LUZP2: variants seen among roughly 807,000 people sequenced by gnomAD.
The protein encoded by LUZP2 is leucine zipper protein 2.
A neutral mutation model predicts 51.6 loss-of-function variants in LUZP2; 52 were observed. That is an observed-to-expected ratio of 1.01 (90% CI 0.81 to 1.27). LUZP2 has a LOEUF of 1.27. Among genes scored for constraint, LUZP2 ranks in the 50% most tolerant of loss-of-function variants. The probability of loss-of-function intolerance (pLI) is 0.00; values close to 1 mark genes in which losing one functional copy is unlikely to be tolerated. For missense variants in LUZP2, 436 were observed against 395.4 expected (o/e 1.10, Z -0.87); for synonymous variants, 154 against 137.3 (o/e 1.12, Z -0.85).
chr11:24,587,783 T>G (rs1396233594), intron 1 of LUZP2, among the ~76,000 whole-genome samples: 1 of 152,092 alleles, frequency 6.6e-6, no homozygotes, highest in Non-Finnish European at 1.5e-5. Flanking sequence ...AGACAGTTTT[T>G]TTTAAAAAAA....
intron 5 of LUZP2, among the ~76,000 whole-genome samples, chr11:24,804,806 G>A (rs1849804920): frequency 6.6e-6 from 1 of 152,016 alleles, no homozygotes. Flanking sequence ...TTTTGGTGTA[G>A]CATGTTCTGA....
At chr11:25,032,792 C>T (rs879599354) in intron 9 of LUZP2, among the ~76,000 whole-genome samples, 26 of 152,250 alleles carry the variant, frequency 1.7e-4, no homozygotes, top group Non-Finnish European at 3.2e-4. Flanking sequence ...TAGTTTGTTG[C>T]AAGGGGGCCT....
chr11:24,758,235 T>C (rs1859844332), intron 4 of LUZP2, among the ~76,000 whole-genome samples: 1 of 152,068 alleles, frequency 6.6e-6, no homozygotes, highest in South Asian at 2.1e-4. Flanking sequence ...GGAAAATGTG[T>C]TCTATGTTTT....
chr11:24,598,752 C>A (rs1853527164), intron 1 of LUZP2, among the ~76,000 whole-genome samples: 1 of 152,100 alleles, frequency 6.6e-6, no homozygotes, highest in Non-Finnish European at 1.5e-5. Context: ...TTGTGTCTAC[C>A]TAAAGCAAAT....
chr11:24,626,222 T>C (rs1157204238), intron 1 of LUZP2, among the ~76,000 whole-genome samples: 2 of 151,964 alleles, frequency 1.3e-5, no homozygotes, highest in East Asian at 3.9e-4. Flanking sequence ...GGAATGAAAA[T>C]GGTCCTGGGG....
At position 24,636,031 on chromosome 11, in the gene LUZP2, A is replaced by T. The variant is rs1318995086; in HGVS notation, c.63-93138A>T. ...GCAATCTACTCTGGAACTTCTGATT[A>T]TTGTCAGTCGAGAAAAAATAAATTG... On this transcript the variant is annotated intron_variant, in intron 1 of 11. Coordinates refer to ENST00000336930, the MANE Select transcript of LUZP2 (RefSeq NM_001009909.4). Among the ~76,000 whole-genome samples the T allele has an allele frequency of 3.3e-5, 5 of 152,190 alleles. No homozygotes were observed. The East Asian group carries it at 9.6e-4, about 29-fold the overall frequency.
Position 25,027,691 on chromosome 11 carries a change from G to A in LUZP2, c.766-22347G>A, listed in dbSNP as rs550134831. ...TCAAGATCAGCCTGGCCAAGATGGTGAAACCCCATCTCTACTAAAAATAAA... is the reference window on the plus strand; with the variant it reads ...TCAAGATCAGCCTGGCCAAGATGGTAAAACCCCATCTCTACTAAAAATAAA... On this transcript the variant is annotated intron_variant, in intron 9 of 11. Transcript: ENST00000336930. Among the ~76,000 whole-genome samples the A allele has an allele frequency of 1.0e-3, 155 of 152,048 alleles. 2 individuals are homozygous for A. The highest frequency in any genetic ancestry group is 1.8e-3 in the Non-Finnish European group (123 of 67,978).
chr11:24,580,511 G>A (rs10834396), intron 1 of LUZP2, among the ~76,000 whole-genome samples: 57,844 of 151,766 alleles, frequency 0.38, 11,210 homozygotes, highest in Middle Eastern at 0.51. Flanking sequence ...TAAATCTTCT[G>A]CTGATTTAAT....
chr11:24,554,864 C>T (rs1043093560), intron 1 of LUZP2, among the ~76,000 whole-genome samples: 3 of 151,980 alleles, frequency 2.0e-5, no homozygotes, highest in African/African-American at 4.8e-5. Flanking sequence ...TGGGAAGATG[C>T]AACTTTGCAA....
intron 1 of LUZP2, among the ~76,000 whole-genome samples, chr11:24,620,351 G>T (rs1854452000): frequency 6.6e-6 from 1 of 151,832 alleles, no homozygotes; most frequent in Non-Finnish European, 1.5e-5. Context: ...TGCAGTACAG[G>T]GGTATTGAGA....
chr11:25,069,385 A>G (rs1859088642), intron 10 of LUZP2, among the ~76,000 whole-genome samples: 1 of 151,918 alleles, frequency 6.6e-6, no homozygotes, highest in South Asian at 2.1e-4. Context: ...AAATCACATG[A>G]AATATACATC....
At chr11:24,752,633 T>C (rs1859635952) in intron 4 of LUZP2, among the ~76,000 whole-genome samples, 1 of 152,126 alleles carries the variant, frequency 6.6e-6, no homozygotes, top group Non-Finnish European at 1.5e-5. Context: ...ATAAATTTTC[T>C]ATATTTTAAC....
At chr11:25,055,619 G>A (rs1451632915) in intron 10 of LUZP2, among the ~76,000 whole-genome samples, 1 of 152,058 alleles carries the variant, frequency 6.6e-6, no homozygotes, top group African/African-American at 2.4e-5. Flanking sequence ...GCTACATCCA[G>A]AATAAAGGAG....
rs1484558398 is a variant in LUZP2 at position 24,574,164 on chromosome 11, ATTTTCTTTCTTTCTTTC to A, written c.62+76878_62+76894del. 1.2e-4 allele frequency among the ~76,000 whole-genome samples: 6 copies of A among 51,140 alleles called. 1 individual carries two copies. The highest frequency in any genetic ancestry group is 4.1e-4 in the Admixed American group (2 of 4,838). The allele number at this position is 51,140 out of a possible 152,430, so 33.5% of individuals were successfully genotyped here. A position where few individuals can be genotyped will look rare whatever the true frequency, so the allele number is the denominator to read the frequency against. ...CTTTCCTTCCTTCTTCCTTCTTTCA[ATTTTCTTTCTTTCTTTC>A]TTTTCTTTCTTTCTTTCTCTTTCTT... On this transcript the variant is annotated intron_variant, in intron 1 of 11. Transcript: ENST00000336930.
intron 1 of LUZP2, among the ~76,000 whole-genome samples, chr11:24,718,007 A>C (rs1858121463): frequency 6.6e-6 from 1 of 152,166 alleles, no homozygotes; most frequent in Non-Finnish European, 1.5e-5. Context: ...TGTAGTCTTA[A>C]GTAAGAAAAT....
chr11:24,968,319 G>A (rs1020496277), intron 7 of LUZP2, among the ~76,000 whole-genome samples: 2 of 152,100 alleles, frequency 1.3e-5, no homozygotes, highest in Non-Finnish European at 2.9e-5. Context: ...TATCACAAAA[G>A]CAAGTAGACT....
intron 7 of LUZP2, among the ~76,000 whole-genome samples, chr11:24,946,629 C>A (rs1362777865): frequency 3.3e-5 from 5 of 151,714 alleles, no homozygotes; most frequent in African/African-American, 1.2e-4. Context: ...TGCCCCAACC[C>A]TTCTTTTTTT....
intron 7 of LUZP2, among the ~76,000 whole-genome samples, chr11:24,964,525 A>G (rs1855525634): frequency 6.6e-6 from 1 of 152,152 alleles, no homozygotes; most frequent in Non-Finnish European, 1.5e-5. Context: ...GGATTTTAAA[A>G]GATGCATATG....
Position 25,082,122 on chromosome 11 carries a change from C to T in LUZP2, c.*3464C>T, listed in dbSNP as rs975126833. On this transcript the variant is annotated 3_prime_UTR_variant, in exon 12 of 12. Transcript: ENST00000336930. ...CAGTCATTCATCTGGATGTAGTTTT[C>T]TGTGTAATCTCAAATATCTGAATAT... 6.6e-6 allele frequency: 1 copy of T among 152,522 alleles called. No homozygotes were observed. Among genetic ancestry groups the T allele is most frequent in the Admixed American group, 6.5e-5 (1 of 15,270 alleles). The allele number at this position is 152,522 out of a possible 1,614,324, so 9.4% of individuals were successfully genotyped here. A position where few individuals can be genotyped will look rare whatever the true frequency, so the allele number is the denominator to read the frequency against.
Sources: gnomAD v4.1 joint callset for allele counts (sites outside exome capture counted in the v4.1 genomes callset) on GRCh38, gnomAD v4.1.1 for gene constraint, MANE v1.5 for transcripts, NCBI Gene and HGNC (gene_info 2026-07-23, HGNC 2026-07-21) for gene names.